GDF11: variants seen among roughly 807,000 people sequenced by gnomAD.
GDF11 encodes growth differentiation factor 11.
A neutral mutation model predicts 34.4 loss-of-function variants in GDF11; 12 were observed. The observed-to-expected ratio is 0.35, with a 90% confidence interval of 0.22 to 0.57. The LOEUF (loss-of-function observed/expected upper bound fraction) is 0.57, where lower values mean the gene tolerates loss of function less well. GDF11 is among the 20% of genes least tolerant of loss of function. The pLI is 0.86. For missense variants in GDF11, 346 were observed against 548.2 expected (o/e 0.63, Z 3.68); for synonymous variants, 212 against 231.1 (o/e 0.92, Z 0.75).
In GDF11 at chr12:55,750,104, G is replaced by A. The variant is rs1878274536; in HGVS notation, c.*222G>A. The A allele has an allele frequency of 7.3e-6, 4 of 548,556 alleles. No individual in the cohort carries two copies. In the East Asian group the frequency reaches 1.2e-4, roughly 16 times the overall value. 34.0% of individuals were successfully genotyped at this position (548,556 alleles called of 1,614,324 possible). A position where few individuals can be genotyped will look rare whatever the true frequency, so the allele number is the denominator to read the frequency against. On this transcript the variant is annotated 3_prime_UTR_variant, in exon 3 of 3. Coordinates refer to ENST00000257868, the MANE Select transcript of GDF11 (RefSeq NM_005811.5). ...GGCATAGTCAGGGTGGGGAGTGTTT[G>A]AAGTTTGCAGATGAGAAGGTTTGAC...
chr12:55,755,455 T>A lies in GDF11; in HGVS notation c.*5573T>A, dbSNP rs1878477262. ...TTTATAGACTCCCTCATTAAGAGCT[T>A]CCAGGTATGCAGAGAATGTCACAGC... On this transcript the variant is annotated 3_prime_UTR_variant, in exon 3 of 3. Coordinates refer to ENST00000257868, the MANE Select transcript of GDF11 (RefSeq NM_005811.5). 1 of 152,194 alleles carries A rather than the reference T, an allele frequency of 6.6e-6. No homozygotes were observed. The highest frequency in any genetic ancestry group is 2.4e-5 in the African/African-American group (1 of 41,426). 9.4% of individuals were successfully genotyped at this position (152,194 alleles called of 1,614,324 possible). A position where few individuals can be genotyped will look rare whatever the true frequency, so the allele number is the denominator to read the frequency against.
At chr12:55,743,784 G>A in intron 1 of GDF11, 23 bp downstream of exon 1, 3 of 1,499,162 alleles carry the variant, frequency 2.0e-6, no homozygotes, top group South Asian at 2.5e-5. Flanking sequence ...CGGGGCGCGA[G>A]CAGTGGGGTG....
intron 1 of GDF11, among the ~76,000 whole-genome samples, chr12:55,747,302 T>C (rs1320456905): frequency 6.6e-6 from 1 of 151,218 alleles, no homozygotes; most frequent in Non-Finnish European, 1.5e-5. Flanking sequence ...AAAAAAGCTA[T>C]AGAGACTTTG....
chr12:55,744,797 G>C (rs1443693678), intron 1 of GDF11, among the ~76,000 whole-genome samples: 5 of 152,048 alleles, frequency 3.3e-5, no homozygotes, highest in African/African-American at 4.8e-5. Context: ...AACACACACA[G>C]AGTTTGGTTT....
rs959403509 is a variant in GDF11 at position 55,752,081 on chromosome 12, G to A, written c.*2199G>A. 4.6e-5 allele frequency: 7 copies of A among 152,162 alleles called. No homozygotes were observed. The highest frequency in any genetic ancestry group is 7.2e-5 in the African/African-American group (3 of 41,426). 9.4% of individuals were successfully genotyped at this position (152,162 alleles called of 1,614,324 possible). On this transcript the variant is annotated 3_prime_UTR_variant, in exon 3 of 3. Coordinates refer to ENST00000257868, the MANE Select transcript of GDF11 (RefSeq NM_005811.5). ...CATATAGCAGCTATGCTAACCCCAA[G>A]CCTCTCTGGCCCTGTTCTTCATCCT...
intron 1 of GDF11, among the ~76,000 whole-genome samples, chr12:55,744,199 T>TC (rs1189108244): frequency 2.6e-5 from 4 of 152,130 alleles, no homozygotes; most frequent in Non-Finnish European, 5.9e-5. Context: ...AACTCCCCAC[T>TC]CCGTGCTCCG....
intron 1 of GDF11, among the ~76,000 whole-genome samples, chr12:55,747,997 G>T (rs943963810): frequency 3.3e-5 from 5 of 152,208 alleles, no homozygotes; most frequent in Non-Finnish European, 2.9e-5. Context: ...ATTTTGCTGG[G>T]TGTTATTCCT....
rs759951553 is a variant in GDF11 at position 55,743,400 on chromosome 12, C to CGCGGCG, written c.111_116dup (p.Ala40_Ala41dup). ...CCCGGGGGGAGGCGGCCGAGGGCCC[C>CGCGGCG]GCGGCGGCGGCGGCGGCGGCGGCGG... On this transcript the variant is annotated inframe_insertion, in exon 1 of 3. Transcript: ENST00000257868. 511 of 992,846 alleles carry CGCGGCG rather than the reference C, an allele frequency of 5.1e-4. 2 individuals carry two copies. Among genetic ancestry groups the CGCGGCG allele is most frequent in the African/African-American group, 4.5e-3 (256 of 56,674 alleles). 61.5% of individuals were successfully genotyped at this position (992,846 alleles called of 1,614,324 possible). A position where few individuals can be genotyped will look rare whatever the true frequency, so the allele number is the denominator to read the frequency against.
rs1305580335 is a variant in GDF11, at chr12:55,755,383, A to C, written c.*5501A>C. 6.6e-6 allele frequency: 1 copy of C among 152,174 alleles called. No homozygotes were observed. Among genetic ancestry groups the C allele is most frequent in the Admixed American group, 6.5e-5 (1 of 15,270 alleles). The allele number at this position is 152,174 out of a possible 1,614,324, so 9.4% of individuals were successfully genotyped here. ...AAAAAGAATAATCCTAGAGAACCAT[A>C]AAAAAGTACAGATTTACAGCTGAGG... is the stretch of plus-strand genomic sequence containing the variant. On this transcript the variant is annotated 3_prime_UTR_variant, in exon 3 of 3. Transcript: ENST00000257868.
In GDF11 at chr12:55,749,795, A is replaced by G. The variant is rs1220934077; in HGVS notation, c.1137A>G (p.Pro379=). 8.1e-6 allele frequency: 13 copies of G among 1,614,018 alleles called. No homozygotes were observed. Among genetic ancestry groups the G allele is most frequent in the Non-Finnish European group, 9.3e-6 (11 of 1,180,004 alleles). Residue 379 remains proline (P), a synonymous_variant, in exon 3 of 3, where the codon CCA becomes CCG. Coordinates refer to ENST00000257868, the MANE Select transcript of GDF11 (RefSeq NM_005811.5). This position sits in a 1 kb window ranked among gnomAD's most constrained non-coding sequence, Gnocchi z 5.6. The part of the protein sequence containing the change: ...GPCCTPTKMS[P]INMLYFNDKQ... ...GTTGTACCCCCACCAAGATGTCCCC[A>G]ATCAACATGCTCTACTTCAATGACA... is the stretch of plus-strand genomic sequence containing the variant.
chr12:55,745,182 G>T (rs1419802006), intron 1 of GDF11, among the ~76,000 whole-genome samples: 1 of 152,054 alleles, frequency 6.6e-6, no homozygotes, highest in Non-Finnish European at 1.5e-5. Flanking sequence ...AGTTATAGAG[G>T]AATTCAGATC....
At chr12:55,745,351 A>G (rs1878158622) in intron 1 of GDF11, among the ~76,000 whole-genome samples, 1 of 151,154 alleles carries the variant, frequency 6.6e-6, no homozygotes, top group African/African-American at 2.4e-5. Flanking sequence ...TGAGCCCACC[A>G]GAGTTAGCTC....
rs765498823 is a variant in GDF11 at position 55,749,628 on chromosome 12, G to T, written c.970G>T (p.Ala324Ser). 1 of 1,614,200 alleles carries T rather than the reference G, an allele frequency of 6.2e-7. No homozygotes were observed. Among genetic ancestry groups the T allele is most frequent in the East Asian group, 2.2e-5 (1 of 44,888 alleles). Residue 324 changes from alanine to serine, a missense_variant, in exon 3 of 3, where the codon GCT becomes TCT. Transcript: ENST00000257868. The surrounding 1 kb of genome is among the most constrained non-coding windows in gnomAD (Gnocchi z 5.6). ...ATATCCCCTCACAGTGGACTTTGAGGCTTTCGGCTGGGACTGGATCATCGC... is the reference window on the plus strand; with the variant it reads ...ATATCCCCTCACAGTGGACTTTGAGTCTTTCGGCTGGGACTGGATCATCGC... ...CRYPLTVDFEAFGWDWIIAPK... is the reference protein window; with the variant it reads ...CRYPLTVDFESFGWDWIIAPK...
chr12:55,749,409 C>CTA lies in GDF11; in HGVS notation c.844-91_844-90dup, dbSNP rs1878254677. On this transcript the variant is annotated intron_variant, in intron 2 of 2. Transcript: ENST00000257868. The surrounding 1 kb of genome is among the most constrained non-coding windows in gnomAD (Gnocchi z 5.6). ...GGAAAAGCTGAGAAGTCAGCAGTCT[C>CTA]TATTCTGATGCCCCTGGCAGGTGGG... is the stretch of plus-strand genomic sequence containing the variant. The CTA allele has an allele frequency of 8.1e-6, 11 of 1,358,378 alleles. No homozygotes were observed. The South Asian group carries it at 1.5e-4, about 19-fold the overall frequency. 84.1% of individuals were successfully genotyped at this position (1,358,378 alleles called of 1,614,324 possible). A position where few individuals can be genotyped will look rare whatever the true frequency, so the allele number is the denominator to read the frequency against.
intron 1 of GDF11, among the ~76,000 whole-genome samples, chr12:55,744,647 C>G (rs896931165): frequency 5.3e-5 from 8 of 150,874 alleles, no homozygotes; most frequent in African/African-American, 1.2e-4. Context: ...CTACACCCCC[C>G]CTTTTCCAGC....
Position 55,743,488 on chromosome 12 carries a change from G to A in GDF11, c.172G>A (p.Glu58Lys). 6.5e-7 allele frequency: 1 copy of A among 1,537,766 alleles called. No individual in the cohort carries two copies. The highest frequency in any genetic ancestry group is 8.7e-7 in the Non-Finnish European group (1 of 1,146,720). Residue 58 changes from glutamate (E) to lysine (K), a missense_variant, in exon 1 of 3, where the codon GAG becomes AAG. Physicochemically the swap from Glu to Lys is moderately conservative, Grantham distance 56. Transcript: ENST00000257868. ...SSRPAPSVAP[E>K]PDGCPVCVWR... ...CCGGCCAGCCCCGTCCGTGGCGCCC[G>A]AGCCGGACGGCTGCCCCGTGTGCGT...
chr12:55,749,893 AG>A lies in GDF11; in HGVS notation c.*12del. On this transcript the variant is annotated 3_prime_UTR_variant, in exon 3 of 3. Transcript: ENST00000257868. This position sits in a 1 kb window ranked among gnomAD's most constrained non-coding sequence, Gnocchi z 5.6. The stretch of plus-strand genomic sequence containing the variant: ...TGTGGCTGCTCTTAAGGTGGGGGAT[AG>A]AGGATGCCTCCCCCACAGACCCTAC... The A allele has an allele frequency of 6.2e-7, 1 of 1,602,472 alleles. No homozygotes were observed.
At position 55,743,733 on chromosome 12, in the gene GDF11, C is replaced by T. The variant is rs1250765091; in HGVS notation, c.417C>T (p.Thr139=). The T allele has an allele frequency of 6.3e-7, 1 of 1,591,310 alleles. No individual in the cohort carries two copies. The highest frequency in any genetic ancestry group is 1.7e-5 in the Admixed American group (1 of 59,118). ...FLEEDEYHAT[T]ETVISMAQET... ...AGGAGGACGAGTACCACGCCACCAC[C>T]GAGACCGTCATTAGCATGGCCCAGG... The change falls in exon 1 of 3, where the codon ACC becomes ACT. Residue 139 remains threonine (T), a synonymous_variant. Transcript: ENST00000257868.
At position 55,748,493 on chromosome 12, in the gene GDF11, G is replaced by C. The variant is rs1329750603; in HGVS notation, c.446-93G>C. The C allele has an allele frequency of 8.9e-7, 1 of 1,124,792 alleles. No individual in the cohort carries two copies. Among genetic ancestry groups the C allele is most frequent in the Admixed American group, 2.2e-5 (1 of 44,662 alleles). The allele number at this position is 1,124,792 out of a possible 1,614,324, so 69.7% of individuals were successfully genotyped here. Reference sequence around the variant, plus strand: ...AGGGTAAAGAAGAACTGGAAAATCAGGCTGAGAAGTCCAAAATTGCCAGTG... The same window carrying C: ...AGGGTAAAGAAGAACTGGAAAATCACGCTGAGAAGTCCAAAATTGCCAGTG... On this transcript the variant is annotated intron_variant, in intron 1 of 2. Transcript: ENST00000257868. The surrounding 1 kb of genome is among the most constrained non-coding windows in gnomAD (Gnocchi z 5.6).
Sources: gnomAD v4.1 joint callset for allele counts (sites outside exome capture counted in the v4.1 genomes callset) on GRCh38, gnomAD v4.1.1 for gene constraint, Gnocchi (gnomAD v3.1) non-coding constraint, MANE v1.5 for transcripts, NCBI Gene and HGNC (gene_info 2026-07-23, HGNC 2026-07-21) for gene names.